RCL1: variants seen among roughly 807,000 people sequenced by gnomAD.
RCL1 encodes RNA terminal phosphate cyclase like 1, also known as RNA 3'-terminal phosphate cyclase-like protein.
A neutral mutation model predicts 42.4 loss-of-function variants in RCL1; 24 were observed. That is an observed-to-expected ratio of 0.57 (90% CI 0.41 to 0.80). The LOEUF is 0.80. Among genes scored for constraint, RCL1 ranks in the 30% least tolerant of loss-of-function variants. The pLI is 0.00. For missense variants in RCL1, 578 were observed against 467.9 expected (o/e 1.24, Z -2.17); for synonymous variants, 228 against 177.3 (o/e 1.29, Z -2.27).
chr9:4,792,956 C>G lies in RCL1; in HGVS notation c.-136C>G. The G allele has an allele frequency of 3.5e-6, 3 of 860,176 alleles. No individual in the cohort carries two copies. The highest frequency in any genetic ancestry group is 3.0e-5 in the East Asian group (1 of 33,614). 53.3% of individuals were successfully genotyped at this position (860,176 alleles called of 1,614,324 possible). A position where few individuals can be genotyped will look rare whatever the true frequency, so the allele number is the denominator to read the frequency against. ...GTCTTCCTGTTCCAAACCACGTGGA[C>G]GCGTCTGGGCTGCTGGAGGCAGCCC... On this transcript the variant is annotated 5_prime_UTR_variant, in exon 1 of 9. Transcript: ENST00000381750.
chr9:4,844,781 C>G, intron 7 of RCL1, 100 bp downstream of exon 7: 2 of 1,197,454 alleles, frequency 1.7e-6, no homozygotes, highest in Non-Finnish European at 2.4e-6. Context: ...AGGGCTCAAG[C>G]CAAGGAGATA....
At chr9:4,834,379 C>A in intron 5 of RCL1, 114 bp downstream of exon 5, 2 of 1,223,672 alleles carry the variant, frequency 1.6e-6, no homozygotes, top group Non-Finnish European at 2.2e-6. Context: ...TAGACTACAA[C>A]TTTGAAAAGT....
At chr9:4,855,811 A>G (rs1450674562) in intron 8 of RCL1, among the ~76,000 whole-genome samples, 1 of 152,058 alleles carries the variant, frequency 6.6e-6, no homozygotes, top group Non-Finnish European at 1.5e-5. Context: ...AAAAAGTGGA[A>G]CTAACTTTGC....
chr9:4,822,163 G>A (rs891561851), intron 1 of RCL1, among the ~76,000 whole-genome samples: 10 of 152,176 alleles, frequency 6.6e-5, no homozygotes, highest in Non-Finnish European at 1.5e-4. Context: ...AAGAGTTATG[G>A]GACAGTGTTA....
chr9:4,822,503 C>A (rs560605076), intron 1 of RCL1, among the ~76,000 whole-genome samples: 2 of 152,130 alleles, frequency 1.3e-5, no homozygotes, highest in Non-Finnish European at 2.9e-5. Flanking sequence ...TCCTCTCCCC[C>A]TCTCTTTCTC....
chr9:4,824,942 T>C (rs772376000), intron 2 of RCL1, among the ~76,000 whole-genome samples: 2 of 152,208 alleles, frequency 1.3e-5, no homozygotes, highest in Non-Finnish European at 2.9e-5. Flanking sequence ...GACGGAGTCT[T>C]GTTCCGTCAA....
chr9:4,839,728 G>A (rs1587723136), intron 5 of RCL1: 2 of 982,312 alleles, frequency 2.0e-6, no homozygotes, highest in Non-Finnish European at 2.4e-6. Flanking sequence ...TATTTATTGA[G>A]CATTTCTGAG....
At chr9:4,850,822 C>T (rs898236197) in intron 8 of RCL1, among the ~76,000 whole-genome samples, 1 of 152,072 alleles carries the variant, frequency 6.6e-6, no homozygotes. Context: ...CGGCTGCCAG[C>T]TGTGTGGCCA....
chr9:4,834,672 G>A (rs557814252), intron 5 of RCL1, among the ~76,000 whole-genome samples: 52 of 151,946 alleles, frequency 3.4e-4, no homozygotes, highest in African/African-American at 1.1e-3. Flanking sequence ...TGTGCAGTGG[G>A]GTGGGGGCCT....
Position 4,860,302 on chromosome 9 carries a change from G to T in RCL1, c.*27G>T, listed in dbSNP as rs753340321. The T allele has an allele frequency of 6.2e-7, 1 of 1,605,300 alleles. No individual in the cohort carries two copies. ...AACCATCACAAGATAAGGCCCCAAT[G>T]CCTACAGACAAAGCAGAAGCTGCCA... On this transcript the variant is annotated 3_prime_UTR_variant, in exon 9 of 9. Coordinates refer to ENST00000381750, the MANE Select transcript of RCL1 (RefSeq NM_005772.5).
Position 4,793,188 on chromosome 9 carries a change from C to A in RCL1, c.97C>A (p.Arg33=). ...STLSGRPVKI[R]KIRARDDNPG... is the part of the protein sequence containing the mutation. ...CCTGAGCGGGCGCCCCGTCAAAATC[C>A]GAAAGATTCGGGCCAGAGACGACAA... The change falls in exon 1 of 9, where the codon CGA becomes AGA. Residue 33 remains arginine (R), a synonymous_variant. Coordinates refer to ENST00000381750, the MANE Select transcript of RCL1 (RefSeq NM_005772.5). 6.2e-7 allele frequency: 1 copy of A among 1,609,696 alleles called. No homozygotes were observed.
chr9:4,850,493 C>CTTTTTTTTTT (rs35181848), intron 8 of RCL1: 6 of 136,946 alleles, frequency 4.4e-5, no homozygotes, highest in South Asian at 1.0e-4. Context: ...TTTTTTTTTT[C>CTTTTTTTTTT]TTTTTTTTTT....
In RCL1 at chr9:4,827,011, C is replaced by T. The variant is rs767956238; in HGVS notation, c.362C>T (p.Thr121Ile). ...HPLKIVLRGVTNDQVDPSVDV... is the reference protein window; with the variant it reads ...HPLKIVLRGVINDQVDPSVDV... ...TTAAAAATAGTTCTACGAGGAGTGACCAATGATCAGGTTGACCCTTCAGTG... is the reference window on the plus strand; with the variant it reads ...TTAAAAATAGTTCTACGAGGAGTGATCAATGATCAGGTTGACCCTTCAGTG... Residue 121 changes from threonine to isoleucine, a missense_variant, in exon 3 of 9, where the codon ACC becomes ATC. Thr to Ile is a moderately conservative substitution (Grantham distance 89). Transcript: ENST00000381750. The T allele has an allele frequency of 1.8e-5, 29 of 1,614,156 alleles. No individual in the cohort carries two copies. Among genetic ancestry groups the T allele is most frequent in the Non-Finnish European group, 2.3e-5 (27 of 1,180,024 alleles).
intron 5 of RCL1, among the ~76,000 whole-genome samples, chr9:4,837,502 G>A (rs898885247): frequency 5.9e-5 from 9 of 151,994 alleles, no homozygotes; most frequent in East Asian, 3.9e-4. Flanking sequence ...ATTGGCGGCC[G>A]TGAACTTTGT....
chr9:4,809,473 C>G (rs969562899), intron 1 of RCL1, among the ~76,000 whole-genome samples: 1 of 152,086 alleles, frequency 6.6e-6, no homozygotes, highest in Non-Finnish European at 1.5e-5. Context: ...CCACACCCGG[C>G]TAATTTTTTG....
At chr9:4,860,070 A>T in intron 8 of RCL1, 55 bp from the exon 9 acceptor site, 3 of 1,293,602 alleles carry the variant, frequency 2.3e-6, no homozygotes, top group Admixed American at 2.7e-5. Flanking sequence ...GTAGAGGATA[A>T]TTTTTTTTTG....
chr9:4,812,295 C>T (rs1304844763), intron 1 of RCL1, among the ~76,000 whole-genome samples: 1 of 151,754 alleles, frequency 6.6e-6, no homozygotes, highest in Non-Finnish European at 1.5e-5. Context: ...CTAATGTTTT[C>T]TTCTAGTAGT....
At chr9:4,799,854 C>G (rs776394272) in intron 1 of RCL1, among the ~76,000 whole-genome samples, 8 of 152,176 alleles carry the variant, frequency 5.3e-5, no homozygotes, top group African/African-American at 1.7e-4. Context: ...GACTCTGACT[C>G]TGGAATCAAA....
intron 8 of RCL1, among the ~76,000 whole-genome samples, chr9:4,859,334 G>A (rs921818124): frequency 1.2e-4 from 19 of 152,166 alleles, no homozygotes; most frequent in South Asian, 4.2e-4. Context: ...GTTCTTCCCC[G>A]TCTGTGTTGT....
Sources: gnomAD v4.1 joint callset for allele counts (sites outside exome capture counted in the v4.1 genomes callset) on GRCh38, gnomAD v4.1.1 for gene constraint, MANE v1.5 for transcripts, NCBI Gene and HGNC (gene_info 2026-07-23, HGNC 2026-07-21) for gene names.